NKAIN3: variants seen among roughly 807,000 people sequenced by gnomAD.
The protein encoded by NKAIN3 is sodium/potassium transporting ATPase interacting 3, also known as sodium/potassium-transporting ATPase subunit beta-1-interacting protein 3.
NKAIN3 carries 25 observed loss-of-function variants against 30.2 expected under a neutral mutation model. The observed-to-expected ratio is 0.83, with a 90% CI of 0.60 to 1.16. The LOEUF (loss-of-function observed/expected upper bound fraction) is 1.16, where lower values mean the gene tolerates loss of function less well. Ranked by LOEUF, NKAIN3 falls within the 50% of genes most tolerant of loss-of-function variation. The pLI, the probability that NKAIN3 is intolerant of heterozygous loss-of-function variation, is 0.00. For synonymous variants in NKAIN3, 91 were observed against 89.6 expected (o/e 1.02, Z -0.09); for missense variants, 225 against 254.1 (o/e 0.89, Z 0.78).
At chr8:62,842,860 A>T (rs1819573396) in intron 4 of NKAIN3, among the ~76,000 whole-genome samples, 1 of 152,074 alleles carries the variant, frequency 6.6e-6, no homozygotes, top group Non-Finnish European at 1.5e-5. Flanking sequence ...TCCAAAATAA[A>T]CTCAAAATGA....
chr8:62,656,201 C>T (rs1586055823), intron 3 of NKAIN3, among the ~76,000 whole-genome samples: 1 of 152,124 alleles, frequency 6.6e-6, no homozygotes, highest in Non-Finnish European at 1.5e-5. Context: ...TCACTCTTCA[C>T]ACTCCCTGTT....
At chr8:62,738,769 T>C (rs545311029) in intron 3 of NKAIN3, among the ~76,000 whole-genome samples, 1 of 152,340 alleles carries the variant, frequency 6.6e-6, no homozygotes, top group East Asian at 1.9e-4. Context: ...TCTCCCATTC[T>C]GTAGGTTGCC....
At chr8:62,509,252 T>C (rs1430715660) in intron 1 of NKAIN3, among the ~76,000 whole-genome samples, 2 of 151,836 alleles carry the variant, frequency 1.3e-5, no homozygotes, top group African/African-American at 4.8e-5. Context: ...TATAGAGACA[T>C]TTCTTCTTCT....
At chr8:62,607,815 A>ATTC (rs1811173368) in intron 3 of NKAIN3, among the ~76,000 whole-genome samples, 1 of 152,126 alleles carries the variant, frequency 6.6e-6, no homozygotes, top group South Asian at 2.1e-4. Context: ...TGTGTCTCAT[A>ATTC]TTTAAACACC....
At chr8:62,564,010 C>T (rs1809667623) in intron 1 of NKAIN3, among the ~76,000 whole-genome samples, 1 of 152,138 alleles carries the variant, frequency 6.6e-6, no homozygotes, top group African/African-American at 2.4e-5. Flanking sequence ...ACAGAGAAAG[C>T]CCACAATTGG....
At chr8:62,951,122 G>A (rs1823274390) in intron 5 of NKAIN3, among the ~76,000 whole-genome samples, 2 of 151,936 alleles carry the variant, frequency 1.3e-5, no homozygotes, top group Non-Finnish European at 2.9e-5. Context: ...ACTTGGATAG[G>A]AGTAGTGGAG....
chr8:62,601,051 T>C (rs1018365963), intron 3 of NKAIN3, among the ~76,000 whole-genome samples: 57 of 152,188 alleles, frequency 3.7e-4, no homozygotes, highest in Admixed American at 3.5e-3. Flanking sequence ...ACATGAACAA[T>C]TGCAGAGGAA....
chr8:62,429,731 A>T (rs1804935176), intron 1 of NKAIN3, among the ~76,000 whole-genome samples: 1 of 151,896 alleles, frequency 6.6e-6, no homozygotes, highest in Non-Finnish European at 1.5e-5. Flanking sequence ...TTAATGTTTC[A>T]CATCAGCACA....
intron 3 of NKAIN3, among the ~76,000 whole-genome samples, chr8:62,614,771 G>A (rs1586010809): frequency 6.6e-6 from 1 of 152,096 alleles, no homozygotes; most frequent in East Asian, 1.9e-4. Context: ...GGGGCTTCAT[G>A]TCGTAGCCAC....
rs1375444455 is a variant in NKAIN3, at chr8:62,979,403, T to C, written c.*13996T>C. ...GCTGTCACTGATGATTTAAACAAGA[T>C]TGGGTGACTTATTTATGTACACACA... On this transcript the variant is annotated 3_prime_UTR_variant, in exon 7 of 7. Coordinates refer to ENST00000623646, the MANE Select transcript of NKAIN3 (RefSeq NM_001304533.3). 6.6e-6 allele frequency: 1 copy of C among 152,162 alleles called. No individual in the cohort carries two copies. The highest frequency in any genetic ancestry group is 1.5e-5 in the Non-Finnish European group (1 of 68,032). 9.4% of individuals were successfully genotyped at this position (152,162 alleles called of 1,614,324 possible).
intron 4 of NKAIN3, among the ~76,000 whole-genome samples, chr8:62,848,928 T>A (rs772719901): frequency 6.7e-5 from 10 of 148,964 alleles, no homozygotes; most frequent in Non-Finnish European, 1.5e-4. Flanking sequence ...AATCATGTGG[T>A]TTTTGTCCTT....
intron 4 of NKAIN3, among the ~76,000 whole-genome samples, chr8:62,885,081 T>C (rs1821105206): frequency 6.6e-6 from 1 of 152,196 alleles, no homozygotes; most frequent in African/African-American, 2.4e-5. Context: ...GCTTAGATTA[T>C]TTATTTTATA....
intron 1 of NKAIN3, among the ~76,000 whole-genome samples, chr8:62,426,356 A>C (rs1033884605): frequency 3.3e-5 from 5 of 151,946 alleles, no homozygotes; most frequent in African/African-American, 1.2e-4. Context: ...AGTAAGGTGT[A>C]ATTTTTTAAA....
At position 62,459,113 on chromosome 8, in the gene NKAIN3, CCT is replaced by C. The variant is rs1805909611; in HGVS notation, c.55-120423_55-120422del. Among the ~76,000 whole-genome samples the C allele has an allele frequency of 2.6e-5, 4 of 151,214 alleles. No homozygotes were observed. The South Asian group carries it at 8.4e-4, about 32-fold the overall frequency. The stretch of plus-strand genomic sequence containing the variant: ...GGCTATTAGACCCTAGACTGGCAGG[CCT>C]CTGTCCTCAGCAGTGCTTGATCATG... On this transcript the variant is annotated intron_variant, in intron 1 of 6. Coordinates refer to ENST00000623646, the MANE Select transcript of NKAIN3 (RefSeq NM_001304533.3).
chr8:62,262,201 GT>G (rs1366074819), intron 1 of NKAIN3, among the ~76,000 whole-genome samples: 1 of 151,992 alleles, frequency 6.6e-6, no homozygotes, highest in Non-Finnish European at 1.5e-5. Context: ...CTTTTGTTTT[GT>G]TTTTGCCATT....
At chr8:62,421,640 G>C (rs1480548613) in intron 1 of NKAIN3, among the ~76,000 whole-genome samples, 5 of 150,724 alleles carry the variant, frequency 3.3e-5, no homozygotes, top group African/African-American at 9.7e-5. Flanking sequence ...CTCTCTCTCT[G>C]TATACATATA....
intron 1 of NKAIN3, among the ~76,000 whole-genome samples, chr8:62,523,043 A>G (rs1808203307): frequency 6.6e-6 from 1 of 152,114 alleles, no homozygotes; most frequent in Non-Finnish European, 1.5e-5. Context: ...ACTCACCCAG[A>G]GCAACGTCTA....
At chr8:62,489,776 G>A (rs574908718) in intron 1 of NKAIN3, among the ~76,000 whole-genome samples, 1 of 152,260 alleles carries the variant, frequency 6.6e-6, no homozygotes, top group Admixed American at 6.5e-5. Flanking sequence ...GCAAACTTAA[G>A]TTCTAATATC....
intron 1 of NKAIN3, among the ~76,000 whole-genome samples, chr8:62,546,055 C>T (rs117906118): frequency 9.2e-5 from 14 of 152,246 alleles, no homozygotes; most frequent in Admixed American, 5.2e-4. Context: ...TATCCAAACA[C>T]GATCTTTTGC....
Sources: allele counts gnomAD v4.1 joint callset (sites outside exome capture counted in the v4.1 genomes callset), GRCh38; gene constraint gnomAD v4.1.1; transcripts MANE v1.5; gene names NCBI Gene and HGNC (gene_info 2026-07-23, HGNC 2026-07-21).